Variants in EME1 observed in about 807,000 individuals in gnomAD.
The protein encoded by EME1 is structure-specific endonuclease subunit EME1.
A neutral mutation model predicts 59.1 loss-of-function variants in EME1; 61 were observed. The observed-to-expected ratio is 1.03, with a 90% CI of 0.84 to 1.28. EME1 has a LOEUF of 1.28. Ranked by LOEUF, EME1 falls within the 50% of genes most tolerant of loss-of-function variation. The probability of loss-of-function intolerance (pLI) is 0.00; values close to 1 mark genes in which losing one functional copy is unlikely to be tolerated. For missense variants in EME1, 635 were observed against 682.6 expected, an observed-to-expected ratio of 0.93 and a Z score of 0.78; for synonymous variants, 230 against 254.2, an observed-to-expected ratio of 0.90 and a Z score of 0.90.
chr17:50,377,831 C>T (rs1913555041), intron 3 of EME1, among the ~76,000 whole-genome samples: 1 of 152,012 alleles, frequency 6.6e-6, no homozygotes, highest in Non-Finnish European at 1.5e-5. Context: ...TCTCGGCTCA[C>T]TGCAGCTTCT....
intron 5 of EME1, 101 bp downstream of exon 5, chr17:50,378,996 G>A: frequency 1.2e-6 from 2 of 1,611,762 alleles, no homozygotes. Context: ...ACTCTGCAAG[G>A]TAGTCCATCT....
chr17:50,380,989 A>C lies in EME1; in HGVS notation c.*50A>C. On this transcript the variant is annotated 3_prime_UTR_variant, in exon 9 of 9. Coordinates refer to ENST00000338165, the MANE Select transcript of EME1 (RefSeq NM_152463.4). ...AAAAGCTGGAAACTTCCACTTCCCC[A>C]ACCTCAGAGCCTGACTGTAATGAAG... is the stretch of plus-strand genomic sequence containing the variant. 3 of 1,600,316 alleles carry C rather than the reference A, an allele frequency of 1.9e-6. No individual in the cohort carries two copies. The highest frequency in any genetic ancestry group is 1.1e-5 in the South Asian group (1 of 90,656).
intron 1 of EME1, among the ~76,000 whole-genome samples, 197 bp downstream of exon 1, chr17:50,373,474 G>A (rs374096806): frequency 6.6e-6 from 1 of 152,244 alleles, no homozygotes; most frequent in African/African-American, 2.4e-5. Flanking sequence ...CCAGCGAAGG[G>A]TCAGAGATGA....
In EME1 at chr17:50,375,166, A is replaced by G; in HGVS notation, c.-24-19A>G. On this transcript the variant is annotated intron_variant, in intron 1 of 8. Coordinates refer to ENST00000338165, the MANE Select transcript of EME1 (RefSeq NM_152463.4). ...AATTGAATGCTCCAGTCTGTGTCAT[A>G]TGTCTCTTTTCCTTTTAGGGAATTA... 6.3e-7 allele frequency: 1 copy of G among 1,589,214 alleles called. No homozygotes were observed. The highest frequency in any genetic ancestry group is 8.6e-7 in the Non-Finnish European group (1 of 1,166,924).
chr17:50,375,033 G>T, intron 1 of EME1, 152 bp from the exon 2 acceptor site: 1 of 575,596 alleles, frequency 1.7e-6, no homozygotes. Flanking sequence ...AGGAGTTAGA[G>T]TTCCAGATTG....
Position 50,381,056 on chromosome 17 carries a change from C to T in EME1, c.*117C>T, listed in dbSNP as rs1913810785. 9 of 1,156,354 alleles carry T rather than the reference C, an allele frequency of 7.8e-6. No individual in the cohort carries two copies. In the Admixed American group the frequency reaches 1.8e-4, roughly 24 times the overall value. 71.6% of individuals were successfully genotyped at this position (1,156,354 alleles called of 1,614,324 possible). On this transcript the variant is annotated 3_prime_UTR_variant, in exon 9 of 9. Coordinates refer to ENST00000338165, the MANE Select transcript of EME1 (RefSeq NM_152463.4). ...CTGGAACACAAGCCTAGGTGAGGCC[C>T]AGTCTTTCTTGGGTCTTATTATTTG...
rs1382825857 is a variant in EME1, at chr17:50,381,424, T to C, written c.*485T>C. The C allele has an allele frequency of 6.1e-6, 1 of 162,890 alleles. No individual in the cohort carries two copies. Among genetic ancestry groups the C allele is most frequent in the Non-Finnish European group, 1.4e-5 (1 of 73,512 alleles). The allele number at this position is 162,890 out of a possible 1,614,324, so 10.1% of individuals were successfully genotyped here. A position where few individuals can be genotyped will look rare whatever the true frequency, so the allele number is the denominator to read the frequency against. On this transcript the variant is annotated 3_prime_UTR_variant, in exon 9 of 9. Coordinates refer to ENST00000338165, the MANE Select transcript of EME1 (RefSeq NM_152463.4). ...TGTCTTCATCTCATTGTGTGTATTA[T>C]GTATTTAGTTTCAATAAAGCATTTG... is the stretch of plus-strand genomic sequence containing the variant.
At chr17:50,376,506 T>C (rs1350919705) in intron 3 of EME1, among the ~76,000 whole-genome samples, 1 of 152,188 alleles carries the variant, frequency 6.6e-6, no homozygotes, top group Non-Finnish European at 1.5e-5. Flanking sequence ...ATGTGCACAA[T>C]GTTTAGCAGC....
intron 7 of EME1, 102 bp from the exon 8 acceptor site, chr17:50,380,210 A>ACCT (rs1913726989): frequency 8.1e-7 from 1 of 1,234,566 alleles, no homozygotes; most frequent in Non-Finnish European, 1.1e-6. Flanking sequence ...CATGGCGCCC[A>ACCT]CCTCTTCCAA....
At chr17:50,377,361 T>C (rs958539450) in intron 3 of EME1, among the ~76,000 whole-genome samples, 2 of 152,154 alleles carry the variant, frequency 1.3e-5, no homozygotes, top group African/African-American at 4.8e-5. Flanking sequence ...ACAACGGGAA[T>C]GAGAACCCAG....
Position 50,380,393 on chromosome 17 carries a change from G to C in EME1, c.1428G>C (p.Arg476Ser), listed in dbSNP as rs749330360. ...GGGTGAAGGTGGACCTTGCTGGCAG[G>C]GGACTCGCACTAGTCTGGAGGAGAC... ...AGGVKVDLAG[R>S]GLALVWRRQI... The change falls in exon 8 of 9, where the codon AGG becomes AGC. Residue 476 changes from arginine (R) to serine (S), a missense_variant. Transcript: ENST00000338165. 73 of 1,614,040 alleles carry C rather than the reference G, an allele frequency of 4.5e-5. No individual in the cohort carries two copies. Among genetic ancestry groups the C allele is most frequent in the Non-Finnish European group, 6.0e-5 (71 of 1,180,028 alleles).
chr17:50,378,484 T>C (rs1407004960), intron 3 of EME1, 111 bp from the exon 4 acceptor site: 2 of 979,432 alleles, frequency 2.0e-6, no homozygotes, highest in Non-Finnish European at 3.2e-6. Flanking sequence ...GAAAGGATAA[T>C]GCATAAGGGG....
In EME1 at chr17:50,380,838, G is replaced by A. The variant is rs921164858; in HGVS notation, c.1612G>A (p.Val538Met). 6.2e-6 allele frequency: 10 copies of A among 1,614,094 alleles called. No homozygotes were observed. The highest frequency in any genetic ancestry group is 8.5e-6 in the Non-Finnish European group (10 of 1,180,056). Residue 538 changes from valine (V) to methionine (M), a missense_variant, in exon 9 of 9, where the codon GTG becomes ATG. Transcript: ENST00000338165. The part of the protein sequence containing the change: ...ADIQVRRGEG[V>M]TSTSRRIGPE... ...CATACAGGTGCGCCGTGGGGAAGGT[G>A]TGACATCCACTTCTCGCCGCATTGG...
In EME1 at chr17:50,378,642, G is replaced by T. The variant is rs1317170039; in HGVS notation, c.951G>T (p.Arg317=). 7 of 1,614,118 alleles carry T rather than the reference G, an allele frequency of 4.3e-6. No homozygotes were observed. Among genetic ancestry groups the T allele is most frequent in the Non-Finnish European group, 5.9e-6 (7 of 1,180,004 alleles). The part of the protein sequence containing the change: ...VEEPTVLVLL[R]AEAFVSMIDN... ...AGCCAACAGTACTGGTGTTGCTCCG[G>T]GCAGAGGCATTTGTGTCCATGATCG... The change falls in exon 4 of 9, where the codon CGG becomes CGT. Residue 317 remains arginine, a synonymous_variant. Transcript: ENST00000338165.
rs1384536400 is a variant in EME1, at chr17:50,381,335, C to G, written c.*396C>G. 4.7e-6 allele frequency: 1 copy of G among 211,520 alleles called. No homozygotes were observed. Among genetic ancestry groups the G allele is most frequent in the African/African-American group, 2.3e-5 (1 of 43,728 alleles). The allele number at this position is 211,520 out of a possible 1,614,324, so 13.1% of individuals were successfully genotyped here. On this transcript the variant is annotated 3_prime_UTR_variant, in exon 9 of 9. Coordinates refer to ENST00000338165, the MANE Select transcript of EME1 (RefSeq NM_152463.4). ...AGCTGCGGGTTGGCTTGACTGGGCT[C>G]AGCCACTGAGCTGCCTCAACCGGCC...
At chr17:50,379,626 G>A in intron 7 of EME1, 59 bp downstream of exon 7, 1 of 1,450,050 alleles carries the variant, frequency 6.9e-7, no homozygotes, top group Admixed American at 1.8e-5. Context: ...CATGGCTCTT[G>A]CAGTCAAAGC....
rs926348584 is a variant in EME1, at chr17:50,381,425, G to A, written c.*486G>A. 3 of 162,516 alleles carry A rather than the reference G, an allele frequency of 1.8e-5. No individual in the cohort carries two copies. The highest frequency in any genetic ancestry group is 7.2e-5 in the African/African-American group (3 of 41,596). The allele number at this position is 162,516 out of a possible 1,614,324, so 10.1% of individuals were successfully genotyped here. ...GTCTTCATCTCATTGTGTGTATTAT[G>A]TATTTAGTTTCAATAAAGCATTTGT... On this transcript the variant is annotated 3_prime_UTR_variant, in exon 9 of 9. Transcript: ENST00000338165.
intron 1 of EME1, among the ~76,000 whole-genome samples, chr17:50,373,497 A>G (rs758702613): frequency 1.4e-4 from 21 of 152,214 alleles, no homozygotes; most frequent in Non-Finnish European, 2.8e-4. Flanking sequence ...CCCCCTCCCT[A>G]GTCATTCAAC....
Position 50,378,779 on chromosome 17 carries a change from C to A in EME1, c.996C>A (p.Ser332Arg). 6.2e-7 allele frequency: 1 copy of A among 1,614,180 alleles called. No individual in the cohort carries two copies. Reference sequence around the variant, plus strand: ...GTTTCTGCCCCTTCATGCAGGGAAGCCTGGACAGCACTATGAAAGGGAAGG... The same window carrying A: ...GTTTCTGCCCCTTCATGCAGGGAAGACTGGACAGCACTATGAAAGGGAAGG... ...VSMIDNGKQG[S>R]LDSTMKGKET... is the part of the protein sequence containing the mutation. The change falls in exon 5 of 9, where the codon AGC (serine) becomes AGA (arginine). Residue 332 changes from serine (S) to arginine (R), a missense_variant. By Grantham distance (110) the Ser-to-Arg change is moderately radical. Coordinates refer to ENST00000338165, the MANE Select transcript of EME1 (RefSeq NM_152463.4).
Sources: gnomAD v4.1 joint callset for allele counts (sites outside exome capture counted in the v4.1 genomes callset) on GRCh38, gnomAD v4.1.1 for gene constraint, MANE v1.5 for transcripts, NCBI Gene and HGNC (gene_info 2026-07-23, HGNC 2026-07-21) for gene names.